Variants in CYRIB observed in about 807,000 individuals in gnomAD.
CYRIB encodes CYFIP related Rac1 interactor B, also known as CYFIP-related Rac1 interactor B.
Under a neutral mutation model 44.2 loss-of-function variants are expected in CYRIB, and 8 were observed. That is an observed-to-expected ratio of 0.18 (90% CI 0.11 to 0.33). The LOEUF (loss-of-function observed/expected upper bound fraction) is 0.33, where lower values mean the gene tolerates loss of function less well. Ranked by LOEUF, CYRIB falls within the 10% of genes least tolerant of loss-of-function variation. The pLI is 1.00. For missense variants in CYRIB, 185 were observed against 382.8 expected (o/e 0.48, Z 4.31); for synonymous variants, 131 against 127.2 (o/e 1.03, Z -0.20).
At position 129,986,622 on chromosome 8, in the gene CYRIB, C is replaced by T. The variant is rs2096463676; in HGVS notation, c.-295-15627G>A. On this transcript the variant is annotated intron_variant, in intron 1 of 14. Coordinates refer to the CYRIB transcript ENST00000401979. ...AGACCTGAGCTAGCACGAGCTCTCTCAGCCCCTCACCATGTGATGCTCTGC... is the reference window on the plus strand; with the variant it reads ...AGACCTGAGCTAGCACGAGCTCTCTTAGCCCCTCACCATGTGATGCTCTGC... Among the ~76,000 whole-genome samples, 3 of 152,204 alleles carry T rather than the reference C, an allele frequency of 2.0e-5. 1 individual carries two copies. In the South Asian group the frequency reaches 6.2e-4, roughly 31 times the overall value.
chr8:129,978,440 A>C (rs1209034006), intron 1 of CYRIB, among the ~76,000 whole-genome samples: 1 of 152,186 alleles, frequency 6.6e-6, no homozygotes, highest in Non-Finnish European at 1.5e-5. Flanking sequence ...CCTCCACCGT[A>C]ACAGATTTAG....
intron 2 of CYRIB, among the ~76,000 whole-genome samples, chr8:129,945,760 A>G (rs1240006560): frequency 6.6e-6 from 1 of 152,112 alleles, no homozygotes; most frequent in East Asian, 1.9e-4. Context: ...TTTAATAGAG[A>G]CAGGGTTTCA....
chr8:129,963,229 C>T (rs189151123), intron 2 of CYRIB, among the ~76,000 whole-genome samples: 57 of 152,342 alleles, frequency 3.7e-4, no homozygotes, highest in Non-Finnish European at 6.9e-4. Flanking sequence ...AGCCTTGGAT[C>T]CTCCAGGCCT....
chr8:129,888,281 G>T (rs116308220), intron 2 of CYRIB, among the ~76,000 whole-genome samples: 2 of 152,014 alleles, frequency 1.3e-5, no homozygotes, highest in Admixed American at 6.6e-5. Context: ...TTCGCCTTCC[G>T]CCATTCAAGG....
chr8:129,854,280 T>C, exon 7 of CYRIB: 2 of 1,609,948 alleles, frequency 1.2e-6, no homozygotes, highest in Non-Finnish European at 1.7e-6. Context: ...ACATTGTTAA[T>C]CCTCATACGA....
chr8:129,920,203 T>TC (rs1189960274), intron 1 of CYRIB, among the ~76,000 whole-genome samples: 3 of 152,086 alleles, frequency 2.0e-5, no homozygotes, highest in Non-Finnish European at 4.4e-5. Flanking sequence ...CTGTTAAATG[T>TC]CCTATGAAGT....
intron 2 of CYRIB, among the ~76,000 whole-genome samples, chr8:129,951,722 GA>G (rs2094513471): frequency 6.6e-6 from 1 of 151,152 alleles, no homozygotes; most frequent in Non-Finnish European, 1.5e-5. Context: ...AAAAAAGAAA[GA>G]AAATGGTAGA....
At chr8:129,860,815 G>A (rs1019297209) in intron 5 of CYRIB, among the ~76,000 whole-genome samples, 1 of 151,562 alleles carries the variant, frequency 6.6e-6, no homozygotes, top group Non-Finnish European at 1.5e-5. Context: ...TTGCCATGTG[G>A]TTCTGGCTCT....
At chr8:129,963,329 C>T (rs1026995517) in intron 2 of CYRIB, among the ~76,000 whole-genome samples, 1 of 152,216 alleles carries the variant, frequency 6.6e-6, no homozygotes, top group African/African-American at 2.4e-5. Context: ...GTTTCAAGGT[C>T]GACAGAATCC....
At chr8:129,960,993 A>G (rs920979816) in intron 2 of CYRIB, among the ~76,000 whole-genome samples, 1 of 151,766 alleles carries the variant, frequency 6.6e-6, no homozygotes, top group Non-Finnish European at 1.5e-5. Flanking sequence ...AAACTAGGAA[A>G]CTTACCAATC....
chr8:129,863,105 G>GT (rs2050837202), intron 4 of CYRIB, among the ~76,000 whole-genome samples: 1 of 152,120 alleles, frequency 6.6e-6, no homozygotes, highest in Non-Finnish European at 1.5e-5. Flanking sequence ...AACTCAAAAA[G>GT]TAAGACAATA....
At chr8:129,924,112 A>C (rs1306183602) in intron 1 of CYRIB, among the ~76,000 whole-genome samples, 369 of 59,728 alleles carry the variant, frequency 6.2e-3, no homozygotes, top group African/African-American at 9.3e-3. Context: ...TCCACCCCAA[A>C]AAAAAAAAAA....
intron 2 of CYRIB, among the ~76,000 whole-genome samples, chr8:129,953,587 C>T (rs879085169): frequency 2.6e-5 from 4 of 152,284 alleles, no homozygotes; most frequent in Admixed American, 1.3e-4. Context: ...AGCTCCAGGA[C>T]GGTAGCGGCC....
At chr8:129,937,405 T>C (rs1045478293) in intron 1 of CYRIB, among the ~76,000 whole-genome samples, 17 of 152,132 alleles carry the variant, frequency 1.1e-4, no homozygotes, top group Non-Finnish European at 1.5e-5. Context: ...AGGAGTAAAA[T>C]AAGCACCCCT....
Position 129,917,714 on chromosome 8 carries a change from G to A in CYRIB, c.-49-14364C>T, listed in dbSNP as rs527318371. 6.8e-4 allele frequency among the ~76,000 whole-genome samples: 104 copies of A among 152,074 alleles called. No homozygotes were observed. The South Asian group carries it at 0.01, about 15-fold the overall frequency. ...TCTACTAAAAATACAAAAATTCGCC[G>A]GGCATGGTGGCGCGTGCCTGTAACC... On this transcript the variant is annotated intron_variant, in intron 1 of 11. Transcript: ENST00000519824.
intron 1 of CYRIB, among the ~76,000 whole-genome samples, chr8:129,918,784 A>T (rs1176476595): frequency 6.6e-6 from 1 of 152,226 alleles, no homozygotes; most frequent in Non-Finnish European, 1.5e-5. Context: ...CAAACATCAT[A>T]AATAATATAA....
At chr8:129,852,593 G>A (rs2043898455) in intron 7 of CYRIB, among the ~76,000 whole-genome samples, 1 of 152,136 alleles carries the variant, frequency 6.6e-6, no homozygotes, top group Admixed American at 6.5e-5. Flanking sequence ...TGAACAATAA[G>A]TATCCATACA....
At chr8:130,014,100 G>C (rs187917651) in intron 1 of CYRIB, among the ~76,000 whole-genome samples, 5 of 152,136 alleles carry the variant, frequency 3.3e-5, no homozygotes, top group African/African-American at 1.2e-4. Flanking sequence ...GAGAACCCTA[G>C]CTCTCCTTTA....
intron 11 of CYRIB, among the ~76,000 whole-genome samples, chr8:129,846,321 C>T (rs1285999751): frequency 6.6e-6 from 1 of 152,012 alleles, no homozygotes; most frequent in East Asian, 1.9e-4. Flanking sequence ...AGTTACAAGC[C>T]ACTTTGTAAG....
Sources: gnomAD v4.1 joint callset for allele counts (sites outside exome capture counted in the v4.1 genomes callset) on GRCh38, gnomAD v4.1.1 for gene constraint, MANE v1.5 for transcripts, NCBI Gene and HGNC (gene_info 2026-07-23, HGNC 2026-07-21) for gene names.